EYS: variants seen among roughly 807,000 people sequenced by gnomAD.
The protein encoded by EYS is protein eyes shut homolog.
A neutral mutation model predicts 282.1 loss-of-function variants in EYS; 250 were observed. The ratio of observed to expected loss-of-function variants is 0.89; its 90% CI spans 0.80 to 0.98. The LOEUF is 0.98. Among genes scored for constraint, EYS ranks in the 50% least tolerant of loss-of-function variants. The pLI is 0.00. For synonymous variants in EYS, 1,355 were observed against 1,282.9 expected, an observed-to-expected ratio of 1.06 and a Z score of -1.20; for missense variants, 4,016 against 3,709.0, an observed-to-expected ratio of 1.08 and a Z score of -2.15.
chr6:63,988,694 A>G (rs1582087710), intron 34 of EYS, among the ~76,000 whole-genome samples: 1 of 151,760 alleles, frequency 6.6e-6, no homozygotes, highest in Non-Finnish European at 1.5e-5. Flanking sequence ...TCTGACATCA[A>G]GATATGATGG....
chr6:64,960,878 GCTCCCATTGAC>G (rs2150105799), intron 14 of EYS, among the ~76,000 whole-genome samples: 1 of 152,160 alleles, frequency 6.6e-6, no homozygotes, highest in East Asian at 1.9e-4. Flanking sequence ...TCATCATTTA[GCTCCCATTGAC>G]ACATGAGAAC....
chr6:65,630,683 TCA>T (rs904508216), intron 2 of EYS, among the ~76,000 whole-genome samples: 9 of 152,208 alleles, frequency 5.9e-5, no homozygotes, highest in African/African-American at 9.6e-5. Context: ...ATGAAGCACA[TCA>T]CAGTGTCATT....
intron 7 of EYS, among the ~76,000 whole-genome samples, chr6:65,393,489 T>C (rs904589245): frequency 6.6e-6 from 1 of 152,294 alleles, no homozygotes; most frequent in Non-Finnish European, 1.5e-5. Flanking sequence ...CATGCAAATA[T>C]GTGATTGCTA....
chr6:65,571,363 G>A (rs181656713), intron 2 of EYS, among the ~76,000 whole-genome samples: 11 of 152,110 alleles, frequency 7.2e-5, no homozygotes, highest in South Asian at 2.1e-4. Flanking sequence ...GCAGATTTAC[G>A]TCAGTGCCTT....
chr6:64,355,601 G>A (rs1157995117), intron 29 of EYS, among the ~76,000 whole-genome samples: 1 of 151,604 alleles, frequency 6.6e-6, no homozygotes, highest in Non-Finnish European at 1.5e-5. Flanking sequence ...AGTTGCAGAA[G>A]CTTCTAAATA....
chr6:64,467,783 C>T (rs571751281), intron 26 of EYS, among the ~76,000 whole-genome samples: 1 of 152,246 alleles, frequency 6.6e-6, no homozygotes, highest in Admixed American at 6.5e-5. Context: ...GCCCACCCCA[C>T]CCACAGCTGG....
At chr6:65,090,274 T>C (rs1026885513) in intron 12 of EYS, among the ~76,000 whole-genome samples, 2 of 152,114 alleles carry the variant, frequency 1.3e-5, no homozygotes, top group Admixed American at 6.5e-5. Context: ...ATATGATGGT[T>C]TTATAAGCAT....
At chr6:64,867,361 G>C (rs2150051904) in intron 19 of EYS, among the ~76,000 whole-genome samples, 1 of 151,792 alleles carries the variant, frequency 6.6e-6, no homozygotes, top group African/African-American at 2.4e-5. Context: ...CTTCTCAAGT[G>C]TAAGGTGGAA....
At chr6:63,854,794 A>G (rs1772348837) in intron 36 of EYS, among the ~76,000 whole-genome samples, 1 of 152,342 alleles carries the variant, frequency 6.6e-6, no homozygotes, top group African/African-American at 2.4e-5. Context: ...AATAGAAGGA[A>G]TAAAAATCTC....
chr6:63,848,995 G>A (rs142735905), intron 36 of EYS, among the ~76,000 whole-genome samples: 8 of 152,312 alleles, frequency 5.3e-5, no homozygotes, highest in South Asian at 2.1e-4. Context: ...GAGCTTCGTC[G>A]GAGGAGGAGG....
intron 1 of EYS, among the ~76,000 whole-genome samples, chr6:65,702,031 G>T (rs1256802903): frequency 2.6e-5 from 4 of 152,216 alleles, no homozygotes; most frequent in South Asian, 4.1e-4. Flanking sequence ...GCCCTATGGG[G>T]TAATGACTGA....
chr6:65,425,311 C>T (rs903764127), intron 5 of EYS, among the ~76,000 whole-genome samples: 1 of 151,918 alleles, frequency 6.6e-6, no homozygotes, highest in African/African-American at 2.4e-5. Context: ...ATATAGTAAA[C>T]GTGCAAAACA....
chr6:64,513,788 T>C (rs555815985), intron 26 of EYS, among the ~76,000 whole-genome samples: 72 of 151,890 alleles, frequency 4.7e-4, no homozygotes, highest in African/African-American at 1.6e-3. Context: ...GAAAACAATT[T>C]TGATTAACAT....
chr6:64,803,427 T>C (rs1294066961), intron 22 of EYS, among the ~76,000 whole-genome samples: 1 of 151,952 alleles, frequency 6.6e-6, no homozygotes, highest in African/African-American at 2.4e-5. Context: ...TCTGTGCTGA[T>C]TGGCCATGGT....
At chr6:64,695,369 C>T (rs1431658662) in intron 22 of EYS, among the ~76,000 whole-genome samples, 1 of 152,052 alleles carries the variant, frequency 6.6e-6, no homozygotes, top group African/African-American at 2.4e-5. Flanking sequence ...GCAAAGGAGA[C>T]ACCCTTTGCG....
intron 31 of EYS, among the ~76,000 whole-genome samples, chr6:64,115,326 G>C (rs139871120): frequency 4.1e-4 from 63 of 152,216 alleles, no homozygotes; most frequent in Non-Finnish European, 8.2e-4. Context: ...TGTGTCACTT[G>C]TGCTCCAAAT....
chr6:63,995,675 T>C (rs1767801736), intron 34 of EYS, among the ~76,000 whole-genome samples: 1 of 152,030 alleles, frequency 6.6e-6, no homozygotes, highest in South Asian at 2.1e-4. Context: ...AACATAAATG[T>C]CCATTAATGG....
chr6:64,591,422 T>C lies in EYS; in HGVS notation c.4445A>G (p.Glu1482Gly). 1 of 1,551,366 alleles carries C rather than the reference T, an allele frequency of 6.4e-7. No individual in the cohort carries two copies. The highest frequency in any genetic ancestry group is 8.7e-7 in the Non-Finnish European group (1 of 1,146,792). Reference protein sequence around the residue: ...YSADSLISRREHWRLLSPSMS... With the variant: ...YSADSLISRRGHWRLLSPSMS... ...CGAGGGGCTGAGCAATCTCCAGTGC[T>C]CTCTTCTTGAAATTAAAGAATCAGC... is the stretch of plus-strand genomic sequence containing the variant. Residue 1482 changes from glutamate to glycine, a missense_variant, in exon 26 of 43, where the codon GAG (glutamate) becomes GGG (glycine). Transcript: ENST00000503581.
intron 12 of EYS, among the ~76,000 whole-genome samples, chr6:65,237,726 C>A (rs1042025224): frequency 1.3e-5 from 2 of 152,124 alleles, no homozygotes; most frequent in African/African-American, 2.4e-5. Flanking sequence ...TAAATGAGTT[C>A]ATAAGCAGGA....
Sources: allele counts gnomAD v4.1 joint callset (sites outside exome capture counted in the v4.1 genomes callset), GRCh38; gene constraint gnomAD v4.1.1; transcripts MANE v1.5; gene names NCBI Gene and HGNC (gene_info 2026-07-23, HGNC 2026-07-21).